The following NUP107 variants were observed in gnomAD, a reference collection of about 807,000 sequenced individuals.
NUP107 encodes the protein nuclear pore complex protein Nup107.
Under a neutral mutation model 141.0 loss-of-function variants are expected in NUP107, and 101 were observed. The observed-to-expected ratio is 0.72, with a 90% CI of 0.61 to 0.84. The LOEUF is 0.84. NUP107 is among the 40% of genes least tolerant of loss of function. The probability of loss-of-function intolerance (pLI) is 0.00; values close to 1 mark genes in which losing one functional copy is unlikely to be tolerated. For missense variants in NUP107, 941 were observed against 1,102.7 expected (o/e 0.85, Z 2.08); for synonymous variants, 319 against 363.9 (o/e 0.88, Z 1.41).
chr12:68,744,317 A>T lies in NUP107; in HGVS notation c.*1855A>T, dbSNP rs931021669. ...GCACAGAAACCCACTAAGGTTGTGG[A>T]ATTACAAAATTCCTTCAACCTTAGA... On this transcript the variant is annotated 3_prime_UTR_variant, in exon 28 of 28. Transcript: ENST00000229179. 6.6e-6 allele frequency: 1 copy of T among 152,182 alleles called. No individual in the cohort carries two copies. Among genetic ancestry groups the T allele is most frequent in the Non-Finnish European group, 1.5e-5 (1 of 68,030 alleles). The allele number at this position is 152,182 out of a possible 1,614,324, so 9.4% of individuals were successfully genotyped here.
intron 13 of NUP107, 33 bp downstream of exon 13, chr12:68,719,464 G>T (rs766022971): frequency 3.1e-6 from 5 of 1,592,240 alleles, no homozygotes; most frequent in Non-Finnish European, 2.6e-6. Context: ...GACAGTTGAG[G>T]ACAAAGGCAT....
intron 8 of NUP107, among the ~76,000 whole-genome samples, chr12:68,707,993 AG>A (rs1876676126): frequency 1.3e-5 from 2 of 152,034 alleles, no homozygotes; most frequent in Admixed American, 1.3e-4. Context: ...TGGGAGGCTG[AG>A]GCATGAGAAT....
chr12:68,723,888 A>T (rs1877452547), intron 17 of NUP107, among the ~76,000 whole-genome samples: 1 of 151,912 alleles, frequency 6.6e-6, no homozygotes, highest in South Asian at 2.1e-4. Flanking sequence ...TATTTTTCTT[A>T]TTATTATATA....
intron 20 of NUP107, among the ~76,000 whole-genome samples, chr12:68,728,709 C>A (rs1333759462): frequency 2.7e-5 from 4 of 149,418 alleles, no homozygotes; most frequent in Admixed American, 2.7e-4. Context: ...GACACCCGGC[C>A]TGGACCTGTC....
intron 17 of NUP107, among the ~76,000 whole-genome samples, chr12:68,724,807 C>A (rs1463779608): frequency 2.0e-5 from 3 of 151,776 alleles, no homozygotes; most frequent in African/African-American, 4.8e-5. Flanking sequence ...ACAAAAAAAA[C>A]CACACTGAAA....
intron 5 of NUP107, 94 bp from the exon 6 acceptor site, chr12:68,696,725 A>C: frequency 1.4e-6 from 1 of 707,722 alleles, no homozygotes; most frequent in South Asian, 2.1e-5. Context: ...AAAAATAAAT[A>C]AACAAATAAA....
chr12:68,691,205 A>G (rs561079398), intron 4 of NUP107, among the ~76,000 whole-genome samples: 89 of 152,346 alleles, frequency 5.8e-4, no homozygotes, highest in African/African-American at 2.1e-3. Context: ...TATGCATCTG[A>G]TATCACAGAT....
At chr12:68,739,985 A>G (rs1878255769) in intron 26 of NUP107, 1 of 152,172 alleles carries the variant, frequency 6.6e-6, no homozygotes, top group Non-Finnish European at 1.5e-5. Context: ...CCTTGTAGCA[A>G]TTTGCTGGGT....
At chr12:68,698,901 C>T (rs1876193142) in intron 6 of NUP107, among the ~76,000 whole-genome samples, 2 of 152,038 alleles carry the variant, frequency 1.3e-5, no homozygotes, top group South Asian at 2.1e-4. Flanking sequence ...ATGTACACCA[C>T]CAAGAATGAA....
intron 6 of NUP107, among the ~76,000 whole-genome samples, chr12:68,697,981 T>C (rs1005685196): frequency 3.3e-5 from 5 of 150,962 alleles, no homozygotes; most frequent in African/African-American, 4.9e-5. Flanking sequence ...TGAACCAAGA[T>C]TGAGCCACTG....
At chr12:68,736,221 C>CT (rs1374660151) in intron 26 of NUP107, among the ~76,000 whole-genome samples, 1 of 152,016 alleles carries the variant, frequency 6.6e-6, no homozygotes, top group Admixed American at 6.6e-5. Context: ...TTCTTGGTAT[C>CT]TTTCCTTTTG....
At chr12:68,713,702 A>G in intron 10 of NUP107, 28 bp from the exon 11 acceptor site, 1 of 1,533,446 alleles carries the variant, frequency 6.5e-7, no homozygotes, top group Non-Finnish European at 8.9e-7. Context: ...TACCTCTTAA[A>G]AAATTTGGTA....
intron 26 of NUP107, 79 bp downstream of exon 26, chr12:68,735,423 G>A: frequency 1.0e-6 from 1 of 976,468 alleles, no homozygotes; most frequent in South Asian, 1.3e-5. Flanking sequence ...GTCTCTAAAT[G>A]GGAGCATCTA....
At position 68,710,059 on chromosome 12, in the gene NUP107, G is replaced by A; in HGVS notation, c.856G>A (p.Asp286Asn). The A allele has an allele frequency of 6.3e-7, 1 of 1,592,470 alleles. No individual in the cohort carries two copies. The highest frequency in any genetic ancestry group is 8.6e-7 in the Non-Finnish European group (1 of 1,162,300). ...IAKDEIGEFSDNIEFYAKSVY... is the reference protein window; with the variant it reads ...IAKDEIGEFSNNIEFYAKSVY... ...CAAAGATGAAATTGGAGAATTTTCT[G>A]ATAATATTGAGTTTTATGCAAAATC... Residue 286 changes from aspartate to asparagine, a missense_variant, in exon 10 of 28, where the codon GAT becomes AAT. Coordinates refer to ENST00000229179, the MANE Select transcript of NUP107 (RefSeq NM_020401.4).
intron 20 of NUP107, 79 bp from the exon 21 acceptor site, chr12:68,731,031 T>A (rs750613342): frequency 5.7e-4 from 506 of 881,894 alleles, no homozygotes; most frequent in Non-Finnish European, 7.7e-4. Context: ...TGTATGAACC[T>A]CTCCTGAATA....
chr12:68,691,437 TA>T, intron 4 of NUP107, among the ~76,000 whole-genome samples: 1 of 152,116 alleles, frequency 6.6e-6, no homozygotes, highest in Non-Finnish European at 1.5e-5. Context: ...TTGGAAAAAG[TA>T]GGTGAGATAC....
chr12:68,713,676 A>C, intron 10 of NUP107, 54 bp from the exon 11 acceptor site: 2 of 1,204,150 alleles, frequency 1.7e-6, no homozygotes, highest in Non-Finnish European at 2.4e-6. Context: ...TTTTTTAAAA[A>C]TAGACCTATT....
At chr12:68,696,781 T>G (rs1394173602) in intron 5 of NUP107, 38 bp from the exon 6 acceptor site, 2 of 1,182,714 alleles carry the variant, frequency 1.7e-6, no homozygotes, top group East Asian at 2.4e-5. Context: ...GTCACTTAAC[T>G]TTTCTTTATT....
At chr12:68,688,811 A>G (rs1875630531) in intron 1 of NUP107, 151 bp from the exon 2 acceptor site, 3 of 497,378 alleles carry the variant, frequency 6.0e-6, no homozygotes, top group Non-Finnish European at 1.1e-5. Context: ...TGGAGCCAGG[A>G]GTGCGTTCTC....
Sources: gnomAD v4.1 joint callset for allele counts (sites outside exome capture counted in the v4.1 genomes callset) on GRCh38, gnomAD v4.1.1 for gene constraint, MANE v1.5 for transcripts, NCBI Gene and HGNC (gene_info 2026-07-23, HGNC 2026-07-21) for gene names.